The following RPN2 variants were observed in gnomAD, a reference collection of about 807,000 sequenced individuals.
The protein encoded by RPN2 is dolichyl-diphosphooligosaccharide--protein glycosyltransferase subunit 2.
In RPN2, 29 loss-of-function variants were observed where a neutral mutation model predicts 71.4. That is an observed-to-expected ratio of 0.41 (90% confidence interval 0.30 to 0.55). The LOEUF (loss-of-function observed/expected upper bound fraction) is 0.55. Among genes scored for constraint, RPN2 ranks in the 20% least tolerant of loss-of-function variants. The pLI, the probability that RPN2 is intolerant of heterozygous loss-of-function variation, is 0.35. For synonymous variants in RPN2, 308 were observed against 305.0 expected (o/e 1.01, Z -0.10); for missense variants, 726 against 774.1 (o/e 0.94, Z 0.74).
Position 37,230,019 on chromosome 20 carries a change from T to C in RPN2, c.1541T>C (p.Val514Ala). ...CCTGAGGAAGAAGCTCCCTCGACTG[T>C]CTTGTCCCAGAACCTTTTCACTCCA... ...KFPEEEAPST[V>A]LSQNLFTPKQ... The change falls in exon 13 of 17, where the codon GTC becomes GCC. Residue 514 changes from valine to alanine, a missense_variant. Val to Ala is a moderately conservative substitution (Grantham distance 64). Transcript: ENST00000237530. The C allele has an allele frequency of 6.2e-7, 1 of 1,614,216 alleles. No individual in the cohort carries two copies. Among genetic ancestry groups the C allele is most frequent in the Non-Finnish European group, 8.5e-7 (1 of 1,180,032 alleles).
intron 1 of RPN2, 123 bp downstream of exon 1, chr20:37,179,492 C>T (rs922466866): frequency 2.9e-6 from 4 of 1,402,720 alleles, no homozygotes; most frequent in Non-Finnish European, 3.7e-6. Context: ...GGCACAAGCT[C>T]TGGCTGGGGC....
In RPN2 at chr20:37,207,401, T is replaced by G. The variant is rs771052107; in HGVS notation, c.819T>G (p.Val273=). The change falls in exon 7 of 17, where the codon GTT becomes GTG. Residue 273 remains valine (V), a synonymous_variant. Coordinates refer to ENST00000237530, the MANE Select transcript of RPN2 (RefSeq NM_002951.5). ...ATCGCTACCACGTGCCAGTTGTGGT[T>G]GTGCCTGAGGGCTCTGCTTCCGACA... ...SHNRYHVPVV[V]VPEGSASDTH... 1.2e-6 allele frequency: 2 copies of G among 1,614,248 alleles called. No individual in the cohort carries two copies. Among genetic ancestry groups the G allele is most frequent in the South Asian group, 2.2e-5 (2 of 91,088 alleles).
Position 37,184,454 on chromosome 20 carries a change from A to G in RPN2, c.207+81A>G, listed in dbSNP as rs2066961956. The G allele has an allele frequency of 5.8e-6, 7 of 1,206,958 alleles. No individual in the cohort carries two copies. In the South Asian group the frequency reaches 7.5e-5, roughly 13 times the overall value. 74.8% of individuals were successfully genotyped at this position (1,206,958 alleles called of 1,614,324 possible). On this transcript the variant is annotated intron_variant, in intron 2 of 16. Transcript: ENST00000237530. ...CACTATATTCCTTTGGGGTAGTTCA[A>G]AACTAACTCTTGCTCATTTGAGGAT...
At chr20:37,202,551 G>A (rs2067416496) in intron 4 of RPN2, among the ~76,000 whole-genome samples, 1 of 151,986 alleles carries the variant, frequency 6.6e-6, no homozygotes, top group Non-Finnish European at 1.5e-5. Flanking sequence ...ACCACCAGGG[G>A]GCCTCTCCTC....
At chr20:37,233,434 A>T (rs1429362653) in intron 14 of RPN2, among the ~76,000 whole-genome samples, 1 of 152,322 alleles carries the variant, frequency 6.6e-6, no homozygotes, top group Non-Finnish European at 1.5e-5. Context: ...GAAAACACTC[A>T]TTAGATCTTA....
chr20:37,191,636 C>T (rs969848390), intron 2 of RPN2, among the ~76,000 whole-genome samples: 65 of 150,122 alleles, frequency 4.3e-4, no homozygotes, highest in African/African-American at 1.5e-3. Flanking sequence ...GGCGTGGTGG[C>T]GGGTGCCTGT....
In RPN2 at chr20:37,207,431, T is replaced by G. The variant is rs762140403; in HGVS notation, c.849T>G (p.His283Gln). ...VVPEGSASDT[H>Q]EQAILRLQVT... ...CTGAGGGCTCTGCTTCCGACACTCATGAACAGGCTATCTTGCGGGTAAGAC... is the reference window on the plus strand; with the variant it reads ...CTGAGGGCTCTGCTTCCGACACTCAGGAACAGGCTATCTTGCGGGTAAGAC... Residue 283 changes from histidine to glutamine, a missense_variant, in exon 7 of 17, where the codon CAT (histidine) becomes CAG (glutamine). Physicochemically the swap from His to Gln is conservative, Grantham distance 24. Transcript: ENST00000237530. 1 of 1,614,202 alleles carries G rather than the reference T, an allele frequency of 6.2e-7. No individual in the cohort carries two copies. The highest frequency in any genetic ancestry group is 8.5e-7 in the Non-Finnish European group (1 of 1,180,032).
Position 37,207,255 on chromosome 20 carries a change from A to G in RPN2, c.691-18A>G. Reference sequence around the variant, plus strand: ...CCAGCAGAGGAAGAGAAACAGCTGCATTTCGCATTTCTTTCAGGATCAGGT... The same window carrying G: ...CCAGCAGAGGAAGAGAAACAGCTGCGTTTCGCATTTCTTTCAGGATCAGGT... On this transcript the variant is annotated intron_variant, in intron 6 of 16. Transcript: ENST00000237530. 5 of 1,608,010 alleles carry G rather than the reference A, an allele frequency of 3.1e-6. No homozygotes were observed. The highest frequency in any genetic ancestry group is 2.2e-5 in the South Asian group (2 of 90,976).
chr20:37,187,691 A>C (rs1420214126), intron 2 of RPN2, among the ~76,000 whole-genome samples: 1 of 151,584 alleles, frequency 6.6e-6, no homozygotes, highest in East Asian at 1.9e-4. Context: ...CCCAGGCTGG[A>C]GTGCAGTGGT....
At chr20:37,216,705 G>A (rs571364638) in intron 9 of RPN2, among the ~76,000 whole-genome samples, 2 of 152,064 alleles carry the variant, frequency 1.3e-5, no homozygotes, top group Admixed American at 6.5e-5. Context: ...CAAATGATCC[G>A]CCTGCTTTGG....
intron 1 of RPN2, among the ~76,000 whole-genome samples, chr20:37,183,927 A>T (rs1193243448): frequency 1.3e-5 from 2 of 152,174 alleles, no homozygotes; most frequent in Non-Finnish European, 2.9e-5. Flanking sequence ...GGACTTACAG[A>T]CATCTTTCAG....
At chr20:37,199,024 C>G in intron 3 of RPN2, 26 bp from the exon 4 acceptor site, 3 of 1,599,564 alleles carry the variant, frequency 1.9e-6, no homozygotes, top group Non-Finnish European at 2.6e-6. Context: ...TGTTCTAAAA[C>G]TCTGTGTCTG....
intron 6 of RPN2, among the ~76,000 whole-genome samples, chr20:37,206,110 G>A (rs1374216728): frequency 6.6e-6 from 1 of 152,122 alleles, no homozygotes; most frequent in Admixed American, 6.6e-5. Flanking sequence ...TTGTTGGATG[G>A]TAGATTTTAA....
rs1312963106 is a variant in RPN2 at position 37,227,562 on chromosome 20, TTTG to T, written c.1300-982_1300-980del. Among the ~76,000 whole-genome samples, 3 of 152,244 alleles carry T rather than the reference TTTG, an allele frequency of 2.0e-5. No homozygotes were observed. In the East Asian group the frequency reaches 5.8e-4, roughly 29 times the overall value. ...TCCCTAAATGCTTTGGTGGTGGTTC[TTTG>T]TTGTTCAGGTATAGATTAACACATG... On this transcript the variant is annotated intron_variant, in intron 11 of 16. Transcript: ENST00000237530.
chr20:37,222,906 A>G (rs1044288256), intron 9 of RPN2, among the ~76,000 whole-genome samples: 2 of 152,264 alleles, frequency 1.3e-5, no homozygotes, highest in African/African-American at 2.4e-5. Flanking sequence ...TTTAAGGGAC[A>G]TACAGAATTC....
At chr20:37,222,322 T>C (rs1374941767) in intron 9 of RPN2, among the ~76,000 whole-genome samples, 1 of 152,206 alleles carries the variant, frequency 6.6e-6, no homozygotes, top group African/African-American at 2.4e-5. Context: ...ATAGTTCTGC[T>C]ATGAATTCAT....
At position 37,232,227 on chromosome 20, in the gene RPN2, C is replaced by T. The variant is rs1364271556; in HGVS notation, c.1582-69C>T. 4 of 1,580,690 alleles carry T rather than the reference C, an allele frequency of 2.5e-6. No homozygotes were observed. The East Asian group carries it at 8.9e-5, about 35-fold the overall frequency. ...CATGACTGACATTGATGCTTTGGTC[C>T]CCGGTATACATGGCTGCCCCTACTG... is the stretch of plus-strand genomic sequence containing the variant. On this transcript the variant is annotated intron_variant, in intron 13 of 16. Coordinates refer to ENST00000237530, the MANE Select transcript of RPN2 (RefSeq NM_002951.5).
Position 37,198,391 on chromosome 20 carries a change from G to A in RPN2, c.208-6G>A. ...CACTTAACATTGACTTTTCCCCACTGTGTAGAAAGCATGTACCTACATCAG... is the reference window on the plus strand; with the variant it reads ...CACTTAACATTGACTTTTCCCCACTATGTAGAAAGCATGTACCTACATCAG... On this transcript the variant is annotated splice_polypyrimidine_tract_variant and splice_region_variant and intron_variant, in intron 2 of 16. Transcript: ENST00000237530. 1.9e-6 allele frequency: 3 copies of A among 1,614,092 alleles called. No individual in the cohort carries two copies. The highest frequency in any genetic ancestry group is 2.5e-6 in the Non-Finnish European group (3 of 1,180,046).
intron 1 of RPN2, among the ~76,000 whole-genome samples, chr20:37,183,712 G>A (rs1397332996): frequency 1.3e-5 from 2 of 152,198 alleles, no homozygotes; most frequent in African/African-American, 4.8e-5. Context: ...TAAGGAAGAG[G>A]TGCTTGAGCT....
Sources: gnomAD v4.1 joint callset for allele counts (sites outside exome capture counted in the v4.1 genomes callset) on GRCh38, gnomAD v4.1.1 for gene constraint, MANE v1.5 for transcripts, NCBI Gene and HGNC (gene_info 2026-07-23, HGNC 2026-07-21) for gene names.